LPP: variants seen among roughly 807,000 people sequenced by gnomAD.
LPP encodes the protein lipoma-preferred partner.
LPP carries 38 observed loss-of-function variants against 60.4 expected under a neutral mutation model. The observed-to-expected ratio is 0.63, with a 90% CI of 0.49 to 0.83. The LOEUF (loss-of-function observed/expected upper bound fraction) is 0.83. Among genes scored for constraint, LPP ranks in the 40% least tolerant of loss-of-function variants. The pLI is 0.00. For missense variants in LPP, 902 were observed against 783.6 expected (o/e 1.15, Z -1.80); for synonymous variants, 328 against 290.8 (o/e 1.13, Z -1.30).
At chr3:188,303,960 C>CCTAT (rs1224916913) in intron 2 of LPP, among the ~76,000 whole-genome samples, 1 of 151,964 alleles carries the variant, frequency 6.6e-6, no homozygotes, top group African/African-American at 2.4e-5. Flanking sequence ...CTATAATTAC[C>CCTAT]CTATACCTTC....
chr3:188,874,002 G>A (rs900412969), intron 11 of LPP, among the ~76,000 whole-genome samples: 2 of 151,910 alleles, frequency 1.3e-5, no homozygotes, highest in African/African-American at 2.4e-5. Flanking sequence ...CGGTGGTTAG[G>A]GACATTCTTA....
At position 188,852,519 on chromosome 3, in the gene LPP, G is replaced by A. The variant is rs191017696; in HGVS notation, c.1411-13681G>A. Among the ~76,000 whole-genome samples, 684 of 152,316 alleles carry A rather than the reference G, an allele frequency of 4.5e-3. 1 individual carries two copies. Among genetic ancestry groups the A allele is most frequent in the Middle Eastern group, 0.017 (5 of 292 alleles). On this transcript the variant is annotated intron_variant, in intron 9 of 11. Transcript: ENST00000617246. ...TATGAGGGCTCTCCCCTTATGAATGGATTGATGCCATTATTTTGGAAGTAG... is the reference window on the plus strand; with the variant it reads ...TATGAGGGCTCTCCCCTTATGAATGAATTGATGCCATTATTTTGGAAGTAG...
At chr3:188,334,324 T>C (rs1181735910) in intron 2 of LPP, among the ~76,000 whole-genome samples, 2 of 151,564 alleles carry the variant, frequency 1.3e-5, no homozygotes, top group African/African-American at 4.8e-5. Context: ...AGTGCTGCAA[T>C]AAACATGGGA....
intron 9 of LPP, among the ~76,000 whole-genome samples, chr3:188,776,993 C>T (rs769252340): frequency 2.2e-4 from 34 of 152,160 alleles, no homozygotes; most frequent in Non-Finnish European, 4.7e-4. Context: ...CCCTGAGTTA[C>T]CATTAGATGG....
intron 9 of LPP, among the ~76,000 whole-genome samples, chr3:188,819,611 G>A (rs1753417960): frequency 2.0e-5 from 3 of 152,146 alleles, no homozygotes; most frequent in Admixed American, 2.0e-4. Flanking sequence ...TGGAGGAGGT[G>A]GGTTCTGGAT....
At chr3:188,450,339 C>G (rs1336063930) in intron 4 of LPP, among the ~76,000 whole-genome samples, 1 of 152,184 alleles carries the variant, frequency 6.6e-6, no homozygotes, top group Non-Finnish European at 1.5e-5. Context: ...TTTGCAGTAT[C>G]TCCAATATAT....
chr3:188,743,756 G>A (rs981449665), intron 8 of LPP: 1 of 151,922 alleles, frequency 6.6e-6, no homozygotes, highest in Non-Finnish European at 1.5e-5. Context: ...TCTCCAAAGA[G>A]GAAAAAATTT....
intron 3 of LPP, among the ~76,000 whole-genome samples, chr3:188,348,256 C>A (rs946410780): frequency 6.6e-6 from 1 of 152,082 alleles, no homozygotes; most frequent in East Asian, 1.9e-4. Flanking sequence ...AAGCGATTCT[C>A]CTGCTTCAGC....
intron 3 of LPP, among the ~76,000 whole-genome samples, chr3:188,350,100 T>G (rs1765443445): frequency 6.6e-6 from 1 of 152,314 alleles, no homozygotes; most frequent in East Asian, 1.9e-4. Context: ...AGAAGATACT[T>G]GGCTGAGTGT....
intron 9 of LPP, among the ~76,000 whole-genome samples, chr3:188,816,363 G>A (rs893300099): frequency 5.3e-5 from 8 of 151,970 alleles, no homozygotes; most frequent in African/African-American, 1.4e-4. Context: ...CACCATGCCC[G>A]GCTAATTTTT....
At chr3:188,675,547 A>G (rs1292051460) in intron 7 of LPP, among the ~76,000 whole-genome samples, 1 of 152,222 alleles carries the variant, frequency 6.6e-6, no homozygotes, top group African/African-American at 2.4e-5. Context: ...GGGTGTTGGT[A>G]GTAATCTGTG....
chr3:188,467,298 T>A (rs2149491113), intron 4 of LPP, among the ~76,000 whole-genome samples: 1 of 152,228 alleles, frequency 6.6e-6, no homozygotes, highest in African/African-American at 2.4e-5. Context: ...TATGTTTAAA[T>A]TTTTTAAAAA....
chr3:188,234,435 G>A lies in LPP; in HGVS notation c.-67+8908G>A, dbSNP rs941702621. ...CAGCTAATGATCACTTAGGAATATC[G>A]CCATGGGAGTGGAGAGTGAAAGCAT... On this transcript the variant is annotated intron_variant, in intron 2 of 11. Coordinates refer to ENST00000617246, the MANE Select transcript of LPP (RefSeq NM_001375462.1). Among the ~76,000 whole-genome samples, 3 of 152,156 alleles carry A rather than the reference G, an allele frequency of 2.0e-5. No individual in the cohort carries two copies. In the East Asian group the frequency reaches 5.8e-4, roughly 29 times the overall value.
intron 2 of LPP, among the ~76,000 whole-genome samples, chr3:188,240,949 A>T (rs2149460847): frequency 6.6e-6 from 1 of 152,310 alleles, no homozygotes; most frequent in East Asian, 1.9e-4. Flanking sequence ...ATATGTCCTT[A>T]ACTATATGAT....
Position 188,883,367 on chromosome 3 carries a change from A to T in LPP, c.*8888A>T. 4.7e-6 allele frequency: 1 copy of T among 213,602 alleles called. No individual in the cohort carries two copies. Among genetic ancestry groups the T allele is most frequent in the East Asian group, 6.9e-5 (1 of 14,480 alleles). 13.2% of individuals were successfully genotyped at this position (213,602 alleles called of 1,614,324 possible). On this transcript the variant is annotated 3_prime_UTR_variant, in exon 12 of 12. Coordinates refer to ENST00000617246, the MANE Select transcript of LPP (RefSeq NM_001375462.1). The stretch of plus-strand genomic sequence containing the variant: ...GTTCTGACAGTTGTTGTGTAGCTTC[A>T]TGCCTTCCCCAGTAACTAACCCATG...
At chr3:188,500,773 G>T (rs1811593532) in intron 5 of LPP, among the ~76,000 whole-genome samples, 2 of 151,938 alleles carry the variant, frequency 1.3e-5, no homozygotes, top group South Asian at 4.2e-4. Context: ...TTTAGTCTTG[G>T]TGCATTTTGT....
chr3:188,827,850 C>T (rs1334929114), intron 9 of LPP, among the ~76,000 whole-genome samples: 4 of 152,136 alleles, frequency 2.6e-5, no homozygotes, highest in African/African-American at 9.7e-5. Context: ...ACCCCTGCTC[C>T]TCCCATCTGC....
chr3:188,264,659 C>T (rs1289901058), intron 2 of LPP, among the ~76,000 whole-genome samples: 1 of 152,032 alleles, frequency 6.6e-6, no homozygotes, highest in Non-Finnish European at 1.5e-5. Flanking sequence ...AGAGAAAGTT[C>T]AGAGGGTGAG....
intron 6 of LPP, among the ~76,000 whole-genome samples, chr3:188,597,191 A>T (rs143355114): frequency 8.5e-5 from 13 of 152,286 alleles, no homozygotes; most frequent in African/African-American, 3.1e-4. Context: ...GAAAATGTAG[A>T]GATGTGTGAT....
Sources: allele counts gnomAD v4.1 joint callset (sites outside exome capture counted in the v4.1 genomes callset), GRCh38; gene constraint gnomAD v4.1.1; transcripts MANE v1.5; gene names NCBI Gene and HGNC (gene_info 2026-07-23, HGNC 2026-07-21).